GRM5: variants seen among roughly 807,000 people sequenced by gnomAD.
GRM5 encodes the protein glutamate metabotropic receptor 5.
In GRM5, 19 loss-of-function variants were observed where a neutral mutation model predicts 83.1. That is an observed-to-expected ratio of 0.23 (90% confidence interval 0.16 to 0.34). The LOEUF (loss-of-function observed/expected upper bound fraction) is 0.34. GRM5 is among the 10% of genes least tolerant of loss of function. The probability of loss-of-function intolerance (pLI) is 1.00; values close to 1 mark genes in which losing one functional copy is unlikely to be tolerated. For synonymous variants in GRM5, 675 were observed against 633.6 expected, an observed-to-expected ratio of 1.07 and a Z score of -0.98; for missense variants, 1,160 against 1,588.3, an observed-to-expected ratio of 0.73 and a Z score of 4.58.
At chr11:88,878,434 T>A (rs1944895423) in intron 2 of GRM5, among the ~76,000 whole-genome samples, 2 of 152,134 alleles carry the variant, frequency 1.3e-5, no homozygotes, top group Admixed American at 6.6e-5. Context: ...AGGGTAATTG[T>A]CCATGCACAC....
chr11:88,887,852 T>A (rs1945072135), intron 2 of GRM5, among the ~76,000 whole-genome samples: 1 of 152,062 alleles, frequency 6.6e-6, no homozygotes, highest in African/African-American at 2.4e-5. Flanking sequence ...TTTTACTAGA[T>A]CCTTGCAAGC....
At chr11:88,698,100 C>T (rs2135368833) in intron 3 of GRM5, among the ~76,000 whole-genome samples, 1 of 152,284 alleles carries the variant, frequency 6.6e-6, no homozygotes, top group South Asian at 2.1e-4. Flanking sequence ...CTCTGCCAAT[C>T]CATTCTCCAC....
chr11:88,522,603 CTGTGTGTGTGTG>C (rs55777647), intron 9 of GRM5, among the ~76,000 whole-genome samples: 1,620 of 127,292 alleles, frequency 0.013, 28 homozygotes, highest in African/African-American at 0.043. Flanking sequence ...CTCTCTCTCT[CTGTGTGTGTGTG>C]TGTGTGTGTG....
At chr11:88,910,476 T>C (rs891226263) in intron 2 of GRM5, among the ~76,000 whole-genome samples, 4 of 152,094 alleles carry the variant, frequency 2.6e-5, no homozygotes, top group African/African-American at 9.7e-5. Flanking sequence ...ATGTAAACTC[T>C]ACATTTAACT....
intron 2 of GRM5, among the ~76,000 whole-genome samples, chr11:89,000,949 A>T (rs1208361835): frequency 6.7e-6 from 1 of 149,658 alleles, no homozygotes; most frequent in East Asian, 2.0e-4. Flanking sequence ...ACATAAAAAA[A>T]TTCCAACATT....
At chr11:88,941,835 T>C (rs1372026599) in intron 2 of GRM5, among the ~76,000 whole-genome samples, 1 of 152,038 alleles carries the variant, frequency 6.6e-6, no homozygotes, top group Non-Finnish European at 1.5e-5. Flanking sequence ...ACCAATAGCA[T>C]ATTCTTGCTT....
chr11:88,809,920 C>T (rs778165118), intron 3 of GRM5, among the ~76,000 whole-genome samples: 5 of 151,980 alleles, frequency 3.3e-5, no homozygotes, highest in Non-Finnish European at 1.5e-5. Flanking sequence ...TGATACTAAA[C>T]AAATGTGTTT....
chr11:88,745,583 TTCTA>T (rs1942120722), intron 3 of GRM5, among the ~76,000 whole-genome samples: 1 of 152,302 alleles, frequency 6.6e-6, no homozygotes, highest in Non-Finnish European at 1.5e-5. Context: ...ATCTTGTAAC[TTCTA>T]TCTTTTATTT....
rs923491901 is a variant in GRM5, at chr11:88,999,165, G to C, written c.661+48047C>G. ...AGAAAACCTAGGCAATATCATTCAG[G>C]ACATAGGCATGGGCAAAGACTTCAT... is the stretch of plus-strand genomic sequence containing the variant. On this transcript the variant is annotated intron_variant, in intron 2 of 9. Coordinates refer to ENST00000305447, the MANE Select transcript of GRM5 (RefSeq NM_001143831.3). Among the ~76,000 whole-genome samples, 5 of 152,122 alleles carry C rather than the reference G, an allele frequency of 3.3e-5. No individual in the cohort carries two copies. In the East Asian group the frequency reaches 7.7e-4, roughly 23 times the overall value.
intron 4 of GRM5, among the ~76,000 whole-genome samples, chr11:88,626,838 C>T (rs956429197): frequency 1.3e-5 from 2 of 152,130 alleles, no homozygotes; most frequent in African/African-American, 4.8e-5. Flanking sequence ...TTGATTCATG[C>T]CCTGAATTTC....
rs1235591764 is a variant in GRM5, at chr11:88,687,523, C to CACAT, written c.912-34124_912-34121dup. 2.9e-3 allele frequency among the ~76,000 whole-genome samples: 88 copies of CACAT among 30,062 alleles called. 6 individuals carry two copies. Among genetic ancestry groups the CACAT allele is most frequent in the African/African-American group, 7.6e-3 (85 of 11,220 alleles). The allele number at this position is 30,062 out of a possible 152,430, so 19.7% of individuals were successfully genotyped here. On this transcript the variant is annotated intron_variant, in intron 3 of 9. Coordinates refer to ENST00000305447, the MANE Select transcript of GRM5 (RefSeq NM_001143831.3). ...AAATACACACACACACACACACACA[C>CACAT]ACATACATATATATACACACACACA...
rs187647060 is a variant in GRM5, at chr11:88,856,402, C to T, written c.662-6247G>A. ...GGATTGTCAATATCACTGCCTTTCA[C>T]GTCCACTTCCACATATTGCCCACTG... On this transcript the variant is annotated intron_variant, in intron 2 of 9. Transcript: ENST00000305447. 5.3e-4 allele frequency among the ~76,000 whole-genome samples: 80 copies of T among 152,162 alleles called. 1 individual carries two copies. The highest frequency in any genetic ancestry group is 2.3e-3 in the East Asian group (12 of 5,176).
At chr11:89,019,283 T>C (rs1940927552) in intron 2 of GRM5, among the ~76,000 whole-genome samples, 1 of 152,206 alleles carries the variant, frequency 6.6e-6, no homozygotes. Flanking sequence ...GGGTATGTGC[T>C]GTCATCATAC....
chr11:88,720,801 TGTGTGTGTGTGTGTGTGTGC>T lies in GRM5; in HGVS notation c.912-67418_912-67399del, dbSNP rs1196395406. On this transcript the variant is annotated intron_variant, in intron 3 of 9. Coordinates refer to ENST00000305447, the MANE Select transcript of GRM5 (RefSeq NM_001143831.3). Reference sequence around the variant, plus strand: ...TTTGCAGGAAAATCATTACTCTGTGTGTGTGTGTGTGTGTGTGTGCGTGTGTGTGTGTGTGTGTGTGTGCC... The same window carrying T: ...TTTGCAGGAAAATCATTACTCTGTGTGTGTGTGTGTGTGTGTGTGTGTGCC... 1.0e-3 allele frequency among the ~76,000 whole-genome samples: 128 copies of T among 128,318 alleles called. 2 individuals carry two copies. In the South Asian group the frequency reaches 0.011, roughly 11 times the overall value. The allele number at this position is 128,318 out of a possible 152,430, so 84.2% of individuals were successfully genotyped here.
chr11:88,875,590 G>A (rs1944839868), intron 2 of GRM5, among the ~76,000 whole-genome samples: 1 of 151,878 alleles, frequency 6.6e-6, no homozygotes. Flanking sequence ...AATTTACTTT[G>A]CATAGATTAA....
chr11:88,954,959 C>T (rs1275021959), intron 2 of GRM5, among the ~76,000 whole-genome samples: 1 of 152,058 alleles, frequency 6.6e-6, no homozygotes, highest in Non-Finnish European at 1.5e-5. Context: ...TTTATCTTTC[C>T]AAAATAATAA....
rs111342567 is a variant in GRM5, at chr11:88,579,793, T to C, written c.1690+10808A>G. Among the ~76,000 whole-genome samples, 419 of 152,298 alleles carry C rather than the reference T, an allele frequency of 2.8e-3. 5 individuals carry two copies. Among genetic ancestry groups the C allele is most frequent in the African/African-American group, 9.5e-3 (397 of 41,580 alleles). ...TTACTTTGAATGAAATGGGAAATCA[T>C]TGTAGATCCTTATACAATGGAGTAA... On this transcript the variant is annotated intron_variant, in intron 7 of 9. Coordinates refer to ENST00000305447, the MANE Select transcript of GRM5 (RefSeq NM_001143831.3).
chr11:88,856,881 T>G (rs1944487974), intron 2 of GRM5, among the ~76,000 whole-genome samples: 1 of 152,082 alleles, frequency 6.6e-6, no homozygotes, highest in Admixed American at 6.6e-5. Context: ...ATGTAACTTT[T>G]AATTTGTTAA....
chr11:88,894,605 T>C (rs188298350), intron 2 of GRM5, among the ~76,000 whole-genome samples: 15 of 151,996 alleles, frequency 9.9e-5, no homozygotes, highest in African/African-American at 3.6e-4. Context: ...TTTCTGGCTG[T>C]GTGCTTGAAC....
Sources: gnomAD v4.1 joint callset for allele counts (sites outside exome capture counted in the v4.1 genomes callset) on GRCh38, gnomAD v4.1.1 for gene constraint, MANE v1.5 for transcripts, NCBI Gene and HGNC (gene_info 2026-07-23, HGNC 2026-07-21) for gene names.